Variants in SH3RF1 observed in about 807,000 individuals in gnomAD.
SH3RF1 encodes SH3 domain containing ring finger 1, also known as E3 ubiquitin-protein ligase SH3RF1.
A neutral mutation model predicts 74.0 loss-of-function variants in SH3RF1; 32 were observed. That is an observed-to-expected ratio of 0.43 (90% confidence interval 0.33 to 0.58). The LOEUF (loss-of-function observed/expected upper bound fraction) is 0.58, where lower values mean the gene tolerates loss of function less well. SH3RF1 is among the 20% of genes least tolerant of loss of function. SH3RF1 has a pLI of 0.05. For synonymous variants in SH3RF1, 396 were observed against 439.6 expected (o/e 0.90, Z 1.24); for missense variants, 954 against 1,130.9 (o/e 0.84, Z 2.24).
intron 2 of SH3RF1, among the ~76,000 whole-genome samples, chr4:169,161,451 T>C (rs1734147036): frequency 6.6e-6 from 1 of 152,260 alleles, no homozygotes; most frequent in Admixed American, 6.5e-5. Context: ...TCGACTTCCA[T>C]TTCCATACCA....
chr4:169,158,609 A>G (rs1734100217), intron 2 of SH3RF1, among the ~76,000 whole-genome samples: 1 of 152,212 alleles, frequency 6.6e-6, no homozygotes, highest in Non-Finnish European at 1.5e-5. Flanking sequence ...TGGAAAATGG[A>G]CGTGAAGTGG....
At chr4:169,251,391 T>C (rs916097988) in intron 2 of SH3RF1, among the ~76,000 whole-genome samples, 2 of 152,222 alleles carry the variant, frequency 1.3e-5, no homozygotes, top group Non-Finnish European at 2.9e-5. Flanking sequence ...TTTCAGATAA[T>C]CTCAGTCAAG....
At chr4:169,250,557 T>C (rs1731086345) in intron 2 of SH3RF1, among the ~76,000 whole-genome samples, 1 of 152,240 alleles carries the variant, frequency 6.6e-6, no homozygotes, top group African/African-American at 2.4e-5. Context: ...TTCACTGATT[T>C]ATTTGTTAAC....
intron 1 of SH3RF1, chr4:169,269,859 C>G (rs535233775): frequency 6.6e-6 from 1 of 152,232 alleles, no homozygotes; most frequent in East Asian, 1.9e-4. Context: ...TTTGCCCAAC[C>G]AAAAAGAGCT....
At chr4:169,100,146 T>G (rs1732994290) in intron 11 of SH3RF1, among the ~76,000 whole-genome samples, 1 of 152,174 alleles carries the variant, frequency 6.6e-6, no homozygotes, top group South Asian at 2.1e-4. Context: ...TGCTCCACCC[T>G]CTGCCTCACT....
chr4:169,211,085 A>C (rs1322692287), intron 2 of SH3RF1, among the ~76,000 whole-genome samples: 3 of 152,232 alleles, frequency 2.0e-5, no homozygotes, highest in Non-Finnish European at 4.4e-5. Context: ...TAAGGACAAA[A>C]GACAAAACAC....
chr4:169,202,691 A>C (rs1579134875), intron 2 of SH3RF1, among the ~76,000 whole-genome samples: 1 of 152,284 alleles, frequency 6.6e-6, no homozygotes, highest in South Asian at 2.1e-4. Context: ...TAACACAATA[A>C]TTTTACCTAG....
intron 2 of SH3RF1, among the ~76,000 whole-genome samples, chr4:169,179,297 AAACATT>A (rs914793654): frequency 6.6e-6 from 1 of 152,216 alleles, no homozygotes; most frequent in Non-Finnish European, 1.5e-5. Context: ...GTAAATAAGG[AAACATT>A]TTGTCCTTAG....
chr4:169,165,335 T>C (rs1317953486), intron 2 of SH3RF1, among the ~76,000 whole-genome samples: 2 of 152,048 alleles, frequency 1.3e-5, no homozygotes, highest in Admixed American at 1.3e-4. Flanking sequence ...AGTAGGGAGA[T>C]TCAGAAACAC....
chr4:169,137,203 T>C (rs540656700), intron 4 of SH3RF1, among the ~76,000 whole-genome samples: 2 of 152,346 alleles, frequency 1.3e-5, no homozygotes, highest in African/African-American at 2.4e-5. Context: ...ACTCTTAATA[T>C]GTTTTTTGTC....
intron 5 of SH3RF1, among the ~76,000 whole-genome samples, chr4:169,132,231 T>C (rs966112585): frequency 1.3e-3 from 204 of 152,356 alleles, no homozygotes; most frequent in Non-Finnish European, 3.5e-4. Flanking sequence ...TTCCTGGGCC[T>C]GACCCTATAC....
chr4:169,152,938 G>A (rs1733997735), intron 4 of SH3RF1, among the ~76,000 whole-genome samples: 1 of 152,064 alleles, frequency 6.6e-6, no homozygotes, highest in Non-Finnish European at 1.5e-5. Context: ...CACCTCCAGT[G>A]CTCAGCTCCT....
At chr4:169,158,574 C>T (rs188985860) in intron 2 of SH3RF1, among the ~76,000 whole-genome samples, 6 of 152,232 alleles carry the variant, frequency 3.9e-5, no homozygotes, top group East Asian at 1.9e-4. Flanking sequence ...TCCTATGTGC[C>T]GGACAGATCA....
chr4:169,181,025 T>A (rs570623384), intron 2 of SH3RF1, among the ~76,000 whole-genome samples: 23 of 152,274 alleles, frequency 1.5e-4, no homozygotes, highest in African/African-American at 4.6e-4. Flanking sequence ...ATTCTTTTCT[T>A]AGTAAAATAG....
In SH3RF1 at chr4:169,269,122, T is replaced by G; in HGVS notation, c.91A>C (p.Thr31Pro). Residue 31 changes from threonine to proline, a missense_variant, in exon 2 of 12, where the codon ACG (threonine) becomes CCG (proline). Thr to Pro is a conservative substitution (Grantham distance 38). Coordinates refer to ENST00000284637, the MANE Select transcript of SH3RF1 (RefSeq NM_020870.4). ...CCCAGCAAACATCGCTTGCAAAACG[T>G]ATGCTGGCAAGGCAAGACCTTCGCA... ...ASAKVLPCQH[T>P]FCKRCLLGIV... The G allele has an allele frequency of 6.2e-7, 1 of 1,614,068 alleles. No individual in the cohort carries two copies. Among genetic ancestry groups the G allele is most frequent in the Non-Finnish European group, 8.5e-7 (1 of 1,180,018 alleles).
At chr4:169,193,815 G>A (rs1262351585) in intron 2 of SH3RF1, among the ~76,000 whole-genome samples, 1 of 152,188 alleles carries the variant, frequency 6.6e-6, no homozygotes, top group Admixed American at 6.5e-5. Context: ...TAGAGTCTAC[G>A]AGCCTTGGGA....
At chr4:169,167,367 T>TG (rs1266272972) in intron 2 of SH3RF1, among the ~76,000 whole-genome samples, 1 of 152,210 alleles carries the variant, frequency 6.6e-6, no homozygotes, top group Non-Finnish European at 1.5e-5. Context: ...AGATTGCTAG[T>TG]GGGGGTCTAA....
At position 169,229,729 on chromosome 4, in the gene SH3RF1, A is replaced by C. The variant is rs114501310; in HGVS notation, c.393+39091T>G. 3.5e-3 allele frequency among the ~76,000 whole-genome samples: 526 copies of C among 152,322 alleles called. 4 individuals are homozygous for C. Among genetic ancestry groups the C allele is most frequent in the Middle Eastern group, 0.031 (9 of 294 alleles). On this transcript the variant is annotated intron_variant, in intron 2 of 11. Coordinates refer to ENST00000284637, the MANE Select transcript of SH3RF1 (RefSeq NM_020870.4). ...GTAAGCCCCACAGCTTACTCATCAC[A>C]ACTGGGAACAAAACCAGCCCCACTT... is the stretch of plus-strand genomic sequence containing the variant.
At chr4:169,223,260 G>C (rs1031006283) in intron 2 of SH3RF1, among the ~76,000 whole-genome samples, 8 of 152,146 alleles carry the variant, frequency 5.3e-5, no homozygotes, top group Admixed American at 5.2e-4. Flanking sequence ...GATCAGAAGG[G>C]AAGATAGAAA....
Sources: allele counts gnomAD v4.1 joint callset (sites outside exome capture counted in the v4.1 genomes callset), GRCh38; gene constraint gnomAD v4.1.1; transcripts MANE v1.5; gene names NCBI Gene and HGNC (gene_info 2026-07-23, HGNC 2026-07-21).